DNAJC8: variants seen among roughly 807,000 people sequenced by gnomAD.
The protein encoded by DNAJC8 is dnaJ homolog subfamily C member 8.
In DNAJC8, 24 loss-of-function variants were observed where a neutral mutation model predicts 43.2. The ratio of observed to expected loss-of-function variants is 0.56; its 90% CI spans 0.40 to 0.78. The LOEUF (loss-of-function observed/expected upper bound fraction) is 0.78, where lower values mean the gene tolerates loss of function less well. Among genes scored for constraint, DNAJC8 ranks in the 30% least tolerant of loss-of-function variants. The pLI is 0.00. For synonymous variants in DNAJC8, 83 were observed against 98.0 expected, an observed-to-expected ratio of 0.85 and a Z score of 0.90; for missense variants, 207 against 299.4, an observed-to-expected ratio of 0.69 and a Z score of 2.28.
At chr1:28,216,844 T>C (rs1458838840) in intron 2 of DNAJC8, among the ~76,000 whole-genome samples, 2 of 151,032 alleles carry the variant, frequency 1.3e-5, no homozygotes, top group Non-Finnish European at 3.0e-5. Flanking sequence ...GTTTTGCTCT[T>C]GTTGCCCAGG....
intron 1 of DNAJC8, among the ~76,000 whole-genome samples, chr1:28,232,368 C>G (rs1646982253): frequency 6.6e-6 from 1 of 152,222 alleles, no homozygotes; most frequent in Non-Finnish European, 1.5e-5. Flanking sequence ...AAAGGAGGCT[C>G]AGAACAAGCC....
At chr1:28,221,294 G>A (rs974008512) in intron 2 of DNAJC8, among the ~76,000 whole-genome samples, 1 of 151,966 alleles carries the variant, frequency 6.6e-6, no homozygotes, top group African/African-American at 2.4e-5. Context: ...AGCCGAGATC[G>A]TGCCCCTGCA....
At chr1:28,224,156 C>T (rs1646917774) in intron 2 of DNAJC8, among the ~76,000 whole-genome samples, 1 of 152,182 alleles carries the variant, frequency 6.6e-6, no homozygotes, top group Admixed American at 6.5e-5. Context: ...TAAGTCCATA[C>T]TGGCAAATAA....
intron 2 of DNAJC8, among the ~76,000 whole-genome samples, chr1:28,224,630 C>G (rs896095424): frequency 2.0e-5 from 3 of 152,034 alleles, no homozygotes; most frequent in Non-Finnish European, 4.4e-5. Flanking sequence ...CGCCTGAAAT[C>G]CCAGCACTTT....
In DNAJC8 at chr1:28,226,752, C is replaced by T. The variant is rs986769029; in HGVS notation, c.180+2170G>A. ...GAACTGCTGGGGCCAAATTTATGCA[C>T]AAATCTACATTTTTGAGTAAACTCC... On this transcript the variant is annotated intron_variant, in intron 2 of 8. Coordinates refer to ENST00000263697, the MANE Select transcript of DNAJC8 (RefSeq NM_014280.3). Among the ~76,000 whole-genome samples the T allele has an allele frequency of 3.2e-4, 48 of 151,292 alleles. 2 individuals are homozygous for T. Among genetic ancestry groups the T allele is most frequent in the Admixed American group, 9.2e-4 (14 of 15,154 alleles).
At position 28,228,080 on chromosome 1, in the gene DNAJC8, G is replaced by C. The variant is rs1646949062; in HGVS notation, c.180+842C>G. Among the ~76,000 whole-genome samples the C allele has an allele frequency of 1.3e-5, 2 of 152,312 alleles. 1 individual carries two copies. Among genetic ancestry groups the C allele is most frequent in the South Asian group, 4.1e-4 (2 of 4,830 alleles). The stretch of plus-strand genomic sequence containing the variant: ...AATCAAGAATCCTAGGCTGGGCGCA[G>C]TGGCTCACGCCTGTAATCCCAGCAC... On this transcript the variant is annotated intron_variant, in intron 2 of 8. Coordinates refer to ENST00000263697, the MANE Select transcript of DNAJC8 (RefSeq NM_014280.3).
At chr1:28,227,007 T>C (rs1036695538) in intron 2 of DNAJC8, among the ~76,000 whole-genome samples, 1 of 148,578 alleles carries the variant, frequency 6.7e-6, no homozygotes, top group African/African-American at 2.5e-5. Flanking sequence ...TGTTAGTCTG[T>C]ACTGAGTTCT....
intron 2 of DNAJC8, among the ~76,000 whole-genome samples, chr1:28,223,713 CAAAAAAAA>C (rs750905346): frequency 1.9e-5 from 2 of 106,566 alleles, no homozygotes; most frequent in African/African-American, 3.2e-5. Flanking sequence ...CTTGTCTTTA[CAAAAAAAA>C]AAAAAAGAAA....
rs536704332 is a variant in DNAJC8 at position 28,207,467 on chromosome 1, CAG to C, written c.471+873_471+874del. Among the ~76,000 whole-genome samples, 251 of 151,656 alleles carry C rather than the reference CAG, an allele frequency of 1.7e-3. 2 individuals are homozygous for C. Among genetic ancestry groups the C allele is most frequent in the African/African-American group, 5.5e-3 (228 of 41,392 alleles). ...TGTTGTTGTTGTTGTTGTTTTAAGA[CAG>C]AGTCTTGCTATGTCACCAGGCGGAG... On this transcript the variant is annotated intron_variant, in intron 6 of 8. Transcript: ENST00000263697.
At chr1:28,222,485 C>CA (rs35878807) in intron 2 of DNAJC8, among the ~76,000 whole-genome samples, 3,822 of 44,148 alleles carry the variant, frequency 0.087, 275 homozygotes, top group East Asian at 0.12. Flanking sequence ...GACTCCATCT[C>CA]AAAAAAAAAA....
At chr1:28,222,898 A>G (rs1419087874) in intron 2 of DNAJC8, among the ~76,000 whole-genome samples, 1 of 152,186 alleles carries the variant, frequency 6.6e-6, no homozygotes, top group Non-Finnish European at 1.5e-5. Context: ...GGAAAATGTC[A>G]GCATGGGAGG....
chr1:28,211,779 G>C (rs1457014701), intron 3 of DNAJC8, among the ~76,000 whole-genome samples: 1 of 152,024 alleles, frequency 6.6e-6, no homozygotes, highest in Non-Finnish European at 1.5e-5. Flanking sequence ...TTTGGGAAGG[G>C]TACAAGCTGA....
chr1:28,208,932 T>TA (rs980846668), intron 5 of DNAJC8: 1 of 152,116 alleles, frequency 6.6e-6, no homozygotes, highest in Non-Finnish European at 1.5e-5. Flanking sequence ...ACTACTGAGA[T>TA]AAAAAATAAA....
rs1646805213 is a variant in DNAJC8 at position 28,210,778 on chromosome 1, A to T, written c.238-141T>A. On this transcript the variant is annotated intron_variant, in intron 3 of 8. Transcript: ENST00000263697. ...GCAAAAGCATTTAAAAAATTAACAA[A>T]TCTCTTTAAATGCCCAGAAATACTG... The T allele has an allele frequency of 2.3e-5, 13 of 576,038 alleles. No individual in the cohort carries two copies. The South Asian group carries it at 2.7e-4, about 12-fold the overall frequency. The allele number at this position is 576,038 out of a possible 1,614,324, so 35.7% of individuals were successfully genotyped here. A position where few individuals can be genotyped will look rare whatever the true frequency, so the allele number is the denominator to read the frequency against.
intron 1 of DNAJC8, among the ~76,000 whole-genome samples, chr1:28,232,279 T>C (rs1405272698): frequency 6.6e-6 from 1 of 152,194 alleles, no homozygotes; most frequent in Non-Finnish European, 1.5e-5. Context: ...GGCATGCTTT[T>C]ATTTCATTTA....
At chr1:28,218,009 C>T (rs2149019949) in intron 2 of DNAJC8, among the ~76,000 whole-genome samples, 1 of 151,352 alleles carries the variant, frequency 6.6e-6, no homozygotes, top group East Asian at 1.9e-4. Flanking sequence ...GATGAAGTTA[C>T]TTGACGTTGT....
chr1:28,210,530 T>A, intron 4 of DNAJC8, 41 bp downstream of exon 4: 1 of 1,554,974 alleles, frequency 6.4e-7, no homozygotes, highest in Non-Finnish European at 8.9e-7. Flanking sequence ...GGCCCTGCCA[T>A]TCACAATCTA....
chr1:28,213,459 C>T (rs1572063673), intron 3 of DNAJC8, among the ~76,000 whole-genome samples: 1 of 151,060 alleles, frequency 6.6e-6, no homozygotes, highest in Non-Finnish European at 1.5e-5. Context: ...AGTTAAAAAA[C>T]ATCTTGGCTT....
chr1:28,213,735 T>C (rs1036349150), intron 3 of DNAJC8, among the ~76,000 whole-genome samples: 6 of 152,084 alleles, frequency 3.9e-5, no homozygotes, highest in African/African-American at 1.2e-4. Flanking sequence ...GAAAAAAAGG[T>C]AGCCAGGCAC....
Sources: allele counts gnomAD v4.1 joint callset (sites outside exome capture counted in the v4.1 genomes callset), GRCh38; gene constraint gnomAD v4.1.1; transcripts MANE v1.5; gene names NCBI Gene and HGNC (gene_info 2026-07-23, HGNC 2026-07-21).